CACNA1I: variants seen among roughly 807,000 people sequenced by gnomAD.
CACNA1I encodes calcium voltage-gated channel subunit alpha1 I, also known as voltage-dependent T-type calcium channel subunit alpha-1I.
A neutral mutation model predicts 201.6 loss-of-function variants in CACNA1I; 74 were observed. That is an observed-to-expected ratio of 0.37 (90% CI 0.30 to 0.45). The LOEUF (loss-of-function observed/expected upper bound fraction) is 0.45, where lower values mean the gene tolerates loss of function less well. Among genes scored for constraint, CACNA1I ranks in the 20% least tolerant of loss-of-function variants. The pLI, the probability that CACNA1I is intolerant of heterozygous loss-of-function variation, is 1.00. For synonymous variants in CACNA1I, 1,431 were observed against 1,345.2 expected (o/e 1.06, Z -1.40); for missense variants, 2,346 against 3,138.1 (o/e 0.75, Z 6.03).
chr22:39,587,781 A>G (rs757390730), intron 1 of CACNA1I: 2 of 437,410 alleles, frequency 4.6e-6, no homozygotes, highest in Non-Finnish European at 9.1e-6. Context: ...ATTTATAATT[A>G]TTATTATTTT....
chr22:39,664,118 T>C lies in CACNA1I; in HGVS notation c.3625T>C (p.Tyr1209His). The C allele has an allele frequency of 6.2e-7, 1 of 1,613,716 alleles. No individual in the cohort carries two copies. The highest frequency in any genetic ancestry group is 2.2e-5 in the East Asian group (1 of 44,860). The part of the protein sequence containing the change: ...TERIFLTVSN[Y>H]IFTAIFVGEM... ...ACGCATCTTTCTCACCGTGTCCAAC[T>C]ACATCTTCACGGCCATCTTCGTGGG... Residue 1209 changes from tyrosine (Y) to histidine (H), a missense_variant, in exon 20 of 37, where the codon TAC becomes CAC. Tyr to His is a moderately conservative substitution (Grantham distance 83, BLOSUM62 2). Coordinates refer to ENST00000402142, the MANE Select transcript of CACNA1I (RefSeq NM_021096.4).
In CACNA1I at chr22:39,670,068, C is replaced by T; in HGVS notation, c.4225C>T (p.Leu1409=). 6.2e-7 allele frequency: 1 copy of T among 1,612,792 alleles called. No homozygotes were observed. Among genetic ancestry groups the T allele is most frequent in the South Asian group, 1.1e-5 (1 of 91,024 alleles). The change falls in exon 25 of 37, where the codon CTG becomes TTG. Residue 1409 remains leucine (L), a synonymous_variant. Coordinates refer to ENST00000402142, the MANE Select transcript of CACNA1I (RefSeq NM_021096.4). Reference sequence around the variant, plus strand: ...GACCAACCACAACCCCTGGATGCTGCTGTACTTCATCTCCTTCCTGCTCAT... The same window carrying T: ...GACCAACCACAACCCCTGGATGCTGTTGTACTTCATCTCCTTCCTGCTCAT... ...PVTNHNPWML[L]YFISFLLIVS...
At chr22:39,656,929 A>C (rs1316321461) in intron 10 of CACNA1I, among the ~76,000 whole-genome samples, 10 of 152,218 alleles carry the variant, frequency 6.6e-5, no homozygotes. Flanking sequence ...CAGTGAGCAC[A>C]CACCAGACAC....
intron 1 of CACNA1I, among the ~76,000 whole-genome samples, chr22:39,580,744 G>T (rs1052756841): frequency 1.3e-5 from 2 of 152,134 alleles, no homozygotes; most frequent in African/African-American, 4.8e-5. Context: ...TGGGACTTGG[G>T]CAAATTCACT....
intron 10 of CACNA1I, among the ~76,000 whole-genome samples, chr22:39,653,757 G>A (rs1315341269): frequency 6.6e-5 from 10 of 152,194 alleles, no homozygotes; most frequent in Admixed American, 6.5e-4. Context: ...AAGCCTTTAG[G>A]GTGACCACTG....
intron 1 of CACNA1I, among the ~76,000 whole-genome samples, chr22:39,592,639 G>A (rs529034193): frequency 5.9e-5 from 9 of 152,324 alleles, no homozygotes; most frequent in East Asian, 1.9e-4. Flanking sequence ...CATTGAAGAC[G>A]TCCTGCCGTC....
intron 1 of CACNA1I, among the ~76,000 whole-genome samples, chr22:39,588,504 G>C (rs972063460): frequency 6.6e-6 from 1 of 150,952 alleles, no homozygotes; most frequent in African/African-American, 2.4e-5. Flanking sequence ...TCCTGCCTCA[G>C]CCTCCCGAGT....
chr22:39,595,687 G>T (rs35874709), intron 1 of CACNA1I, among the ~76,000 whole-genome samples: 3,805 of 152,094 alleles, frequency 0.025, 72 homozygotes, highest in Non-Finnish European at 0.038. Context: ...TGGTCATGCG[G>T]TCTCCCTCTT....
In CACNA1I at chr22:39,666,254, T is replaced by C. The variant is rs1355815295; in HGVS notation, c.4104+248T>C. On this transcript the variant is annotated intron_variant, in intron 23 of 36. Transcript: ENST00000402142. This position sits in a 1 kb window ranked among gnomAD's most constrained non-coding sequence, Gnocchi z 4.1. Reference sequence around the variant, plus strand: ...CACTTAGTAGGTGCTTTGTGAACATTGGTTCTTGGCTCCCACCCCCGACCC... The same window carrying C: ...CACTTAGTAGGTGCTTTGTGAACATCGGTTCTTGGCTCCCACCCCCGACCC... Among the ~76,000 whole-genome samples the C allele has an allele frequency of 5.9e-5, 9 of 152,016 alleles. No individual in the cohort carries two copies. Among genetic ancestry groups the C allele is most frequent in the Non-Finnish European group, 1.3e-4 (9 of 67,994 alleles).
chr22:39,683,702 C>A (rs1327265977), intron 35 of CACNA1I, among the ~76,000 whole-genome samples: 1 of 151,544 alleles, frequency 6.6e-6, no homozygotes, highest in Non-Finnish European at 1.5e-5. Context: ...GCTGCTACCC[C>A]CCACGCCCCC....
intron 4 of CACNA1I, among the ~76,000 whole-genome samples, chr22:39,619,832 T>C (rs1933674552): frequency 1.3e-5 from 2 of 152,136 alleles, no homozygotes; most frequent in Admixed American, 1.3e-4. Flanking sequence ...CTGACTGACT[T>C]AGAAGTCGAG....
intron 10 of CACNA1I, among the ~76,000 whole-genome samples, chr22:39,652,039 C>CT (rs136833): frequency 0.2 from 29,648 of 145,410 alleles, 3,126 homozygotes; most frequent in Middle Eastern, 0.25. Flanking sequence ...CTGGTGGAGC[C>CT]TTTTTTTTTT....
chr22:39,660,883 C>T (rs1018165463), intron 15 of CACNA1I, among the ~76,000 whole-genome samples: 2 of 152,086 alleles, frequency 1.3e-5, no homozygotes, highest in Non-Finnish European at 2.9e-5. Context: ...GCACAGAAGG[C>T]AAGGGGTCCA....
intron 1 of CACNA1I, among the ~76,000 whole-genome samples, chr22:39,590,045 C>T (rs1415163161): frequency 6.6e-6 from 1 of 152,058 alleles, no homozygotes; most frequent in Admixed American, 6.5e-5. Context: ...GGGTGGTGGT[C>T]GCCATGGTAA....
chr22:39,649,930 G>GTGCA lies in CACNA1I; in HGVS notation c.1992+6_1992+9dup. 1 of 1,612,830 alleles carries GTGCA rather than the reference G, an allele frequency of 6.2e-7. No individual in the cohort carries two copies. The highest frequency in any genetic ancestry group is 8.5e-7 in the Non-Finnish European group (1 of 1,179,610). ...GGCATCGAGCACCACGAGCAGGCCA[G>GTGCA]TGCAGCGCAGCCGGGCCGGGCCTGC... On this transcript the variant is annotated splice_donor_region_variant and intron_variant, in intron 10 of 36. Coordinates refer to ENST00000402142, the MANE Select transcript of CACNA1I (RefSeq NM_021096.4). The surrounding 1 kb of genome is among the most constrained non-coding windows in gnomAD (Gnocchi z 7.3).
Position 39,659,943 on chromosome 22 carries a change from T to G in CACNA1I, c.2604+91T>G. 3.4e-6 allele frequency: 5 copies of G among 1,473,620 alleles called. No individual in the cohort carries two copies. Among genetic ancestry groups the G allele is most frequent in the Non-Finnish European group, 4.7e-6 (5 of 1,063,452 alleles). The allele number at this position is 1,473,620 out of a possible 1,614,324, so 91.3% of individuals were successfully genotyped here. A position where few individuals can be genotyped will look rare whatever the true frequency, so the allele number is the denominator to read the frequency against. On this transcript the variant is annotated intron_variant, in intron 14 of 36. Coordinates refer to ENST00000402142, the MANE Select transcript of CACNA1I (RefSeq NM_021096.4). The surrounding 1 kb of genome is among the most constrained non-coding windows in gnomAD (Gnocchi z 4.3). ...TGGCCTGGATGGGGGAGGGCTGCAA[T>G]TCAAACTTCTAGCAGGCAACCTATC...
chr22:39,671,024 A>T, intron 26 of CACNA1I, 70 bp downstream of exon 26: 7 of 1,476,598 alleles, frequency 4.7e-6, no homozygotes, highest in Non-Finnish European at 6.6e-6. Context: ...ACCCCACCCC[A>T]GGGATAGGGT....
intron 7 of CACNA1I, 102 bp from the exon 8 acceptor site, chr22:39,646,467 C>T (rs2146426248): frequency 6.9e-7 from 1 of 1,453,482 alleles, no homozygotes; most frequent in African/African-American, 1.4e-5. Context: ...CTCCCTCTCC[C>T]CATGTCTCCC....
In CACNA1I at chr22:39,570,839, G is replaced by A. The variant is rs1932156937; in HGVS notation, c.87G>A (p.Arg29=). The stretch of plus-strand genomic sequence containing the variant: ...TCACCACGGAGCAGCCCGGACCCCG[G>A]AGCCCCCCATCCTCCCCGCCAGGCC... ...PGVTTEQPGP[R]SPPSSPPGLE... Residue 29 remains arginine (R), a synonymous_variant, in exon 1 of 37, where the codon CGG becomes CGA. Coordinates refer to ENST00000402142, the MANE Select transcript of CACNA1I (RefSeq NM_021096.4). The A allele has an allele frequency of 2.5e-6, 4 of 1,613,452 alleles. No individual in the cohort carries two copies. The highest frequency in any genetic ancestry group is 3.4e-6 in the Non-Finnish European group (4 of 1,179,772).
Sources: gnomAD v4.1 joint callset for allele counts (sites outside exome capture counted in the v4.1 genomes callset) on GRCh38, gnomAD v4.1.1 for gene constraint, Gnocchi (gnomAD v3.1) non-coding constraint, MANE v1.5 for transcripts, NCBI Gene and HGNC (gene_info 2026-07-23, HGNC 2026-07-21) for gene names.